The following B3GAT2 variants were observed in gnomAD, a reference collection of about 807,000 sequenced individuals.
The protein encoded by B3GAT2 is galactosylgalactosylxylosylprotein 3-beta-glucuronosyltransferase 2.
A neutral mutation model predicts 27.8 loss-of-function variants in B3GAT2; 26 were observed. The observed-to-expected ratio is 0.93, with a 90% CI of 0.68 to 1.30. The LOEUF (loss-of-function observed/expected upper bound fraction) is 1.30. Ranked by LOEUF, B3GAT2 falls within the 50% of genes most tolerant of loss-of-function variation. The probability of loss-of-function intolerance (pLI) is 0.00; values close to 1 mark genes in which losing one functional copy is unlikely to be tolerated. For synonymous variants in B3GAT2, 218 were observed against 195.1 expected (o/e 1.12, Z -0.98); for missense variants, 458 against 459.0 (o/e 1.00, Z 0.02).
intron 1 of B3GAT2, among the ~76,000 whole-genome samples, chr6:70,922,982 G>T (rs1242181295): frequency 2.0e-5 from 3 of 151,960 alleles, no homozygotes; most frequent in Admixed American, 2.0e-4. Context: ...CATATAAATG[G>T]GTATAACAAC....
In B3GAT2 at chr6:70,926,933, C is replaced by T. The variant is rs185482783; in HGVS notation, c.591+28906G>A. On this transcript the variant is annotated intron_variant, in intron 1 of 3. Transcript: ENST00000230053. ...GGTAAGGGCAGCCAGAGAGAAAGGTCGGGTTACCCACAAAGGGAAGCCCAT... is the reference window on the plus strand; with the variant it reads ...GGTAAGGGCAGCCAGAGAGAAAGGTTGGGTTACCCACAAAGGGAAGCCCAT... Among the ~76,000 whole-genome samples the T allele has an allele frequency of 9.4e-3, 1,428 of 152,248 alleles. 12 individuals carry two copies. The highest frequency in any genetic ancestry group is 0.048 in the Middle Eastern group (14 of 292).
intron 2 of B3GAT2, among the ~76,000 whole-genome samples, chr6:70,875,469 G>T (rs1174911228): frequency 6.6e-6 from 1 of 152,172 alleles, no homozygotes; most frequent in Non-Finnish European, 1.5e-5. Flanking sequence ...ACTGTTTCCT[G>T]CAAGTGTTCC....
Position 70,857,181 on chromosome 6 carries a change from A to G in B3GAT2, c.*4482T>C. On this transcript the variant is annotated 3_prime_UTR_variant, in exon 4 of 4. Coordinates refer to ENST00000230053, the MANE Select transcript of B3GAT2 (RefSeq NM_080742.3). ...TACAACTATGAAGCCGAAATGAATG[A>G]GCATTAGAATTAAAAAATTAAGAGG... The G allele has an allele frequency of 8.7e-6, 6 of 690,484 alleles. No individual in the cohort carries two copies. The highest frequency in any genetic ancestry group is 1.3e-5 in the Non-Finnish European group (6 of 465,988). 42.8% of individuals were successfully genotyped at this position (690,484 alleles called of 1,614,324 possible).
At chr6:70,911,026 C>A (rs774922133) in intron 1 of B3GAT2, among the ~76,000 whole-genome samples, 1 of 151,628 alleles carries the variant, frequency 6.6e-6, no homozygotes, top group African/African-American at 2.4e-5. Context: ...ATTTTTTTTT[C>A]TTGTAAACTT....
Position 70,857,276 on chromosome 6 carries a change from C to T in B3GAT2, c.*4387G>A, listed in dbSNP as rs141001480. 2.5e-4 allele frequency: 81 copies of T among 318,616 alleles called. No individual in the cohort carries two copies. Among genetic ancestry groups the T allele is most frequent in the Middle Eastern group, 1.8e-3 (2 of 1,106 alleles). 19.7% of individuals were successfully genotyped at this position (318,616 alleles called of 1,614,324 possible). ...TCATAGATCACTAAATGTTGTTTCA[C>T]AAGCTTATAGAACATGGATTATCTT... On this transcript the variant is annotated 3_prime_UTR_variant, in exon 4 of 4. Transcript: ENST00000230053.
chr6:70,919,775 T>C (rs181960253), intron 1 of B3GAT2, among the ~76,000 whole-genome samples: 1,547 of 152,224 alleles, frequency 0.01, 14 homozygotes, highest in Non-Finnish European at 0.016. Context: ...GGAAGCTTCG[T>C]CCTAGAGGGG....
chr6:70,956,452 G>A lies in B3GAT2; in HGVS notation c.-23C>T, dbSNP rs769237161. On this transcript the variant is annotated 5_prime_UTR_variant, in exon 1 of 4. Transcript: ENST00000230053. Reference sequence around the variant, plus strand: ...CATGGTGCACGCTCCCTGGCCTCTCGGACACCCCAGAGAGGGGCGAGCCGA... The same window carrying A: ...CATGGTGCACGCTCCCTGGCCTCTCAGACACCCCAGAGAGGGGCGAGCCGA... 1.3e-6 allele frequency: 2 copies of A among 1,550,284 alleles called. No homozygotes were observed. Among genetic ancestry groups the A allele is most frequent in the South Asian group, 2.4e-5 (2 of 84,026 alleles).
At chr6:70,863,020 A>G (rs1279483579) in intron 2 of B3GAT2, among the ~76,000 whole-genome samples, 1 of 152,152 alleles carries the variant, frequency 6.6e-6, no homozygotes, top group African/African-American at 2.4e-5. Context: ...AGTTTAACAA[A>G]CTGTTTAAAG....
At chr6:70,944,571 C>T (rs1018263192) in intron 1 of B3GAT2, among the ~76,000 whole-genome samples, 1 of 152,180 alleles carries the variant, frequency 6.6e-6, no homozygotes, top group Admixed American at 6.5e-5. Context: ...AGCTGGGAAG[C>T]TCCAACTGGG....
At chr6:70,949,677 C>T (rs1229045798) in intron 1 of B3GAT2, among the ~76,000 whole-genome samples, 1 of 151,750 alleles carries the variant, frequency 6.6e-6, no homozygotes, top group African/African-American at 2.4e-5. Flanking sequence ...CTAGAAATAT[C>T]ATTTGATCCA....
Position 70,856,965 on chromosome 6 carries a change from A to G in B3GAT2, c.*4698T>C, listed in dbSNP as rs1181803199. On this transcript the variant is annotated 3_prime_UTR_variant, in exon 4 of 4. Transcript: ENST00000230053. ...AAATCAGAAGAAGTGGCAAAGAAAC[A>G]ACTTTCCAAAGACTCCATCTTATCT... 6.2e-7 allele frequency: 1 copy of G among 1,613,886 alleles called. No individual in the cohort carries two copies. The highest frequency in any genetic ancestry group is 8.5e-7 in the Non-Finnish European group (1 of 1,179,904).
chr6:70,910,546 G>T (rs1384251929), intron 1 of B3GAT2, among the ~76,000 whole-genome samples: 2 of 152,118 alleles, frequency 1.3e-5, no homozygotes, highest in East Asian at 3.8e-4. Flanking sequence ...TGGTGTATAT[G>T]TACCACATTT....
chr6:70,857,183 C>T lies in B3GAT2; in HGVS notation c.*4480G>A, dbSNP rs1169825213. ...CAACTATGAAGCCGAAATGAATGAG[C>T]ATTAGAATTAAAAAATTAAGAGGCA... On this transcript the variant is annotated 3_prime_UTR_variant, in exon 4 of 4. Coordinates refer to ENST00000230053, the MANE Select transcript of B3GAT2 (RefSeq NM_080742.3). The T allele has an allele frequency of 1.5e-6, 1 of 672,038 alleles. No individual in the cohort carries two copies. Among genetic ancestry groups the T allele is most frequent in the Non-Finnish European group, 2.2e-6 (1 of 452,048 alleles). The allele number at this position is 672,038 out of a possible 1,614,324, so 41.6% of individuals were successfully genotyped here. A position where few individuals can be genotyped will look rare whatever the true frequency, so the allele number is the denominator to read the frequency against.
chr6:70,939,310 T>C (rs1255525618), intron 1 of B3GAT2, among the ~76,000 whole-genome samples: 1 of 111,690 alleles, frequency 9.0e-6, no homozygotes, highest in African/African-American at 3.7e-5. Context: ...GACTGTAAAC[T>C]AGTAAAACCA....
intron 2 of B3GAT2, among the ~76,000 whole-genome samples, chr6:70,876,421 G>GT (rs1170934161): frequency 1.3e-5 from 2 of 152,122 alleles, no homozygotes; most frequent in African/African-American, 4.8e-5. Context: ...GTAAAGGCTT[G>GT]TAACTTGGAG....
Position 70,861,507 on chromosome 6 carries a change from C to T in B3GAT2, c.*156G>A. 2 of 643,614 alleles carry T rather than the reference C, an allele frequency of 3.1e-6. No individual in the cohort carries two copies. The highest frequency in any genetic ancestry group is 2.9e-5 in the Admixed American group (1 of 34,166). 39.9% of individuals were successfully genotyped at this position (643,614 alleles called of 1,614,324 possible). A position where few individuals can be genotyped will look rare whatever the true frequency, so the allele number is the denominator to read the frequency against. On this transcript the variant is annotated 3_prime_UTR_variant, in exon 4 of 4. Transcript: ENST00000230053. ...CATCCAATTAGCTTATGTTAACTGACAAGCTCCATTTAAACAGATGTCCAT... is the reference window on the plus strand; with the variant it reads ...CATCCAATTAGCTTATGTTAACTGATAAGCTCCATTTAAACAGATGTCCAT...
At chr6:70,871,995 T>C (rs1771945938) in intron 2 of B3GAT2, among the ~76,000 whole-genome samples, 1 of 151,990 alleles carries the variant, frequency 6.6e-6, no homozygotes, top group Admixed American at 6.6e-5. Context: ...TCCATATATT[T>C]GTGAATTTCA....
At position 70,861,636 on chromosome 6, in the gene B3GAT2, A is replaced by C. The variant is rs755643704; in HGVS notation, c.*27T>G. ...TCTTCCATATGGATCCACTGGCTGG[A>C]CAAACTGCACCAGTTGCTGCTTCAA... On this transcript the variant is annotated 3_prime_UTR_variant, in exon 4 of 4. Coordinates refer to ENST00000230053, the MANE Select transcript of B3GAT2 (RefSeq NM_080742.3). 1 of 1,603,084 alleles carries C rather than the reference A, an allele frequency of 6.2e-7. No homozygotes were observed.
chr6:70,917,083 A>G (rs533144715), intron 1 of B3GAT2, among the ~76,000 whole-genome samples: 14 of 152,282 alleles, frequency 9.2e-5, no homozygotes, highest in African/African-American at 3.4e-4. Flanking sequence ...AGAAGCTGTC[A>G]CTGAACTATT....
Sources: gnomAD v4.1 joint callset for allele counts (sites outside exome capture counted in the v4.1 genomes callset) on GRCh38, gnomAD v4.1.1 for gene constraint, MANE v1.5 for transcripts, NCBI Gene and HGNC (gene_info 2026-07-23, HGNC 2026-07-21) for gene names.